Variants in RNF126 observed in about 807,000 individuals in gnomAD.
RNF126 encodes the protein ring finger protein 126.
Under a neutral mutation model 41.9 loss-of-function variants are expected in RNF126, and 20 were observed. That is an observed-to-expected ratio of 0.48 (90% CI 0.34 to 0.69). RNF126 has a LOEUF of 0.69. Ranked by LOEUF, RNF126 falls within the 30% of genes least tolerant of loss-of-function variation. The pLI is 0.01. For missense variants in RNF126, 433 were observed against 460.6 expected, an observed-to-expected ratio of 0.94 and a Z score of 0.55; for synonymous variants, 239 against 202.9, an observed-to-expected ratio of 1.18 and a Z score of -1.51.
chr19:660,289 G>A (rs1209241571), intron 1 of RNF126, among the ~76,000 whole-genome samples: 1 of 152,246 alleles, frequency 6.6e-6, no homozygotes, highest in Non-Finnish European at 1.5e-5. Flanking sequence ...CTGCCCAGCA[G>A]AGAATGACCC....
chr19:650,583 ACT>A, intron 4 of RNF126: 8 of 126,900 alleles, frequency 6.3e-5, no homozygotes, highest in Non-Finnish European at 8.3e-5. Flanking sequence ...ACTCTCGGCT[ACT>A]TTTTTTTTTT....
chr19:651,521 G>A (rs994163912), intron 4 of RNF126, 90 bp downstream of exon 4: 37 of 1,290,294 alleles, frequency 2.9e-5, no homozygotes, highest in South Asian at 1.3e-4. Context: ...ATGATGCCAC[G>A]TTTCCGTGGA....
intron 7 of RNF126, 25 bp downstream of exon 7, chr19:648,854 CACT>C: frequency 7.4e-7 from 1 of 1,342,874 alleles, no homozygotes; most frequent in Non-Finnish European, 1.0e-6. Flanking sequence ...CTGTAATTCC[CACT>C]ACTCGGGAGG....
Position 661,733 on chromosome 19 carries a change from T to C in RNF126, c.75+1314A>G, listed in dbSNP as rs1298877486. ...GGGAACTGCACTGCTTCTGGGGGGC[T>C]TGGACTTCTCTTACGGGTCAAAGCG... On this transcript the variant is annotated intron_variant, in intron 1 of 8. Transcript: ENST00000292363. 9.2e-5 allele frequency among the ~76,000 whole-genome samples: 14 copies of C among 152,310 alleles called. No homozygotes were observed. The South Asian group carries it at 2.7e-3, about 29-fold the overall frequency.
rs2030062006 is a variant in RNF126, at chr19:648,215, AG to A, written c.848del (p.Pro283LeufsTer6). 2.5e-6 allele frequency: 4 copies of A among 1,604,096 alleles called. No individual in the cohort carries two copies. Among genetic ancestry groups the A allele is most frequent in the East Asian group, 2.3e-5 (1 of 44,416 alleles). On this transcript the variant is annotated frameshift_variant, in exon 9 of 9. Coordinates refer to ENST00000292363, the MANE Select transcript of RNF126 (RefSeq NM_194460.3). LOFTEE classifies it high-confidence loss of function. ...AGGAGAAGCTCACCCCAGTGAGGCC[AG>A]GGGGGTTCGTGGCCGTGTTCTGTCC... ...LTGQNTATNP[P>X]GLTGVSFSSS...
rs1298295384 is a variant in RNF126 at position 649,137 on chromosome 19, G to A, written c.577-162C>T. On this transcript the variant is annotated intron_variant, in intron 6 of 8. Coordinates refer to ENST00000292363, the MANE Select transcript of RNF126 (RefSeq NM_194460.3). The stretch of plus-strand genomic sequence containing the variant: ...GGTCGGAGATCACTGTGGAGCCCAC[G>A]CGGCCCCCCCGCTCCTGGGTCCCCT... 86 of 348,550 alleles carry A rather than the reference G, an allele frequency of 2.5e-4. No homozygotes were observed. The East Asian group carries it at 3.2e-3, about 13-fold the overall frequency. The allele number at this position is 348,550 out of a possible 1,614,324, so 21.6% of individuals were successfully genotyped here. A position where few individuals can be genotyped will look rare whatever the true frequency, so the allele number is the denominator to read the frequency against.
chr19:654,208 C>T (rs2030457208), intron 1 of RNF126, among the ~76,000 whole-genome samples: 2 of 152,178 alleles, frequency 1.3e-5, no homozygotes, highest in Admixed American at 1.3e-4. Flanking sequence ...GGTGAGCAAA[C>T]GATGCCAGAT....
chr19:653,313 C>T (rs532916748), intron 1 of RNF126, among the ~76,000 whole-genome samples: 2 of 152,330 alleles, frequency 1.3e-5, no homozygotes, highest in Admixed American at 6.5e-5. Flanking sequence ...TCCCCTGGCT[C>T]GGGGGAGGCC....
Position 648,060 on chromosome 19 carries a change from G to T in RNF126, c.*68C>A, listed in dbSNP as rs2030046525. The T allele has an allele frequency of 6.8e-7, 1 of 1,461,116 alleles. No individual in the cohort carries two copies. Among genetic ancestry groups the T allele is most frequent in the African/African-American group, 1.4e-5 (1 of 70,632 alleles). The allele number at this position is 1,461,116 out of a possible 1,614,324, so 90.5% of individuals were successfully genotyped here. On this transcript the variant is annotated 3_prime_UTR_variant, in exon 9 of 9. Transcript: ENST00000292363. ...GCGCCGCCGGGGCACCCAGTCTGTGGGTGCCGTGTGGCGCTGGCTGAGGGT... is the reference window on the plus strand; with the variant it reads ...GCGCCGCCGGGGCACCCAGTCTGTGTGTGCCGTGTGGCGCTGGCTGAGGGT...
intron 1 of RNF126, among the ~76,000 whole-genome samples, chr19:658,716 C>G (rs1003236265): frequency 6.6e-6 from 1 of 152,218 alleles, no homozygotes; most frequent in Non-Finnish European, 1.5e-5. Context: ...AGCGAAGCCA[C>G]TGCCTCAGCC....
intron 1 of RNF126, 107 bp downstream of exon 1, chr19:662,940 G>C: frequency 2.3e-6 from 1 of 426,174 alleles, no homozygotes; most frequent in Non-Finnish European, 3.8e-6. Flanking sequence ...TCCCGTCGTG[G>C]TCAGCTCGCG....
chr19:653,327 T>C (rs1346528909), intron 1 of RNF126, among the ~76,000 whole-genome samples: 1 of 152,146 alleles, frequency 6.6e-6, no homozygotes, highest in African/African-American at 2.4e-5. Flanking sequence ...GGAGGCCACG[T>C]CCACGCTGGC....
intron 5 of RNF126, 93 bp downstream of exon 5, chr19:650,141 C>G: frequency 9.1e-7 from 1 of 1,100,282 alleles, no homozygotes; most frequent in Non-Finnish European, 1.3e-6. Context: ...CTCCTACTCA[C>G]CAGGGACCCT....
In RNF126 at chr19:647,962, AGG is replaced by A. The variant is rs1277017404; in HGVS notation, c.*164_*165del. The A allele has an allele frequency of 3.5e-6, 3 of 847,766 alleles. No homozygotes were observed. The highest frequency in any genetic ancestry group is 5.3e-6 in the Non-Finnish European group (3 of 564,138). 52.5% of individuals were successfully genotyped at this position (847,766 alleles called of 1,614,324 possible). On this transcript the variant is annotated 3_prime_UTR_variant, in exon 9 of 9. Transcript: ENST00000292363. ...CATGTGGCCCACGCCTTCCCAAGCC[AGG>A]GGGCCGGTGGGCCGGGCCCGGGTCC...
chr19:652,315 T>C lies in RNF126; in HGVS notation c.135-19A>G. ...TGTGCTCCTGGGGAGAGAGTGCAGG[T>C]CAGCAGTGCCGGCTACCCTGTGCCC... On this transcript the variant is annotated intron_variant, in intron 2 of 8. Transcript: ENST00000292363. The C allele has an allele frequency of 1.3e-6, 2 of 1,550,592 alleles. No homozygotes were observed. Among genetic ancestry groups the C allele is most frequent in the Non-Finnish European group, 8.7e-7 (1 of 1,151,872 alleles).
Position 648,448 on chromosome 19 carries a change from G to T in RNF126, c.710C>A (p.Ala237Glu). ...CAGCTGCCGCACACGCTCACCCAGC[G>T]CGTAGTCGTCCTTGCACACAGGGCA... Reference protein sequence around the residue: ...LECPVCKDDYALGERVRQLPC... With the variant: ...LECPVCKDDYELGERVRQLPC... Residue 237 changes from alanine to glutamate, a missense_variant, in exon 8 of 9, where the codon GCG becomes GAG. Around this residue, in one of 5 missense-constraint regions of RNF126, gnomAD observed 97 missense variants for 121.7 expected, o/e 0.80. Transcript: ENST00000292363. 2 of 1,590,546 alleles carry T rather than the reference G, an allele frequency of 1.3e-6. No homozygotes were observed. Among genetic ancestry groups the T allele is most frequent in the Non-Finnish European group, 1.7e-6 (2 of 1,171,706 alleles).
In RNF126 at chr19:656,104, G is replaced by A. The variant is rs369528281; in HGVS notation, c.76-3220C>T. On this transcript the variant is annotated intron_variant, in intron 1 of 8. Transcript: ENST00000292363. ...CTTTTTGCAGCTGTGAGAATGCTGTGGAATTAGACTGTGGTGGTGGTTGCA... is the reference window on the plus strand; with the variant it reads ...CTTTTTGCAGCTGTGAGAATGCTGTAGAATTAGACTGTGGTGGTGGTTGCA... 4.7e-4 allele frequency among the ~76,000 whole-genome samples: 71 copies of A among 152,164 alleles called. 2 individuals carry two copies. In the South Asian group the frequency reaches 0.013, roughly 27 times the overall value.
intron 6 of RNF126, chr19:649,271 G>A (rs1289852994): frequency 1.3e-5 from 4 of 319,356 alleles, no homozygotes; most frequent in Admixed American, 4.9e-5. Context: ...TGGGGGGGCC[G>A]TGCTCCGGCT....
chr19:650,219 C>A lies in RNF126; in HGVS notation c.506+15G>T. On this transcript the variant is annotated intron_variant, in intron 5 of 8. Transcript: ENST00000292363. ...CCCAGGCTGGGGATGGGGACAGGCA[C>A]CCCCACCCACTCACCAGGGGCCCAG... 1.3e-6 allele frequency: 2 copies of A among 1,561,006 alleles called. No homozygotes were observed. Among genetic ancestry groups the A allele is most frequent in the Non-Finnish European group, 1.7e-6 (2 of 1,152,422 alleles).
Sources: gnomAD v4.1 joint callset for allele counts (sites outside exome capture counted in the v4.1 genomes callset) on GRCh38, gnomAD v4.1.1 for gene constraint, gnomAD v4.1.1 regional missense constraint, MANE v1.5 for transcripts, NCBI Gene and HGNC (gene_info 2026-07-23, HGNC 2026-07-21) for gene names.